The following RABEP1 variants were observed in gnomAD, a reference collection of about 807,000 sequenced individuals.
RABEP1 encodes the protein rab GTPase-binding effector protein 1.
In RABEP1, 51 loss-of-function variants were observed where a neutral mutation model predicts 123.4. The ratio of observed to expected loss-of-function variants is 0.41; its 90% CI spans 0.33 to 0.52. RABEP1 has a LOEUF of 0.52. Among genes scored for constraint, RABEP1 ranks in the 20% least tolerant of loss-of-function variants. The pLI, the probability that RABEP1 is intolerant of heterozygous loss-of-function variation, is 0.16. For missense variants in RABEP1, 888 were observed against 996.3 expected, an observed-to-expected ratio of 0.89 and a Z score of 1.46; for synonymous variants, 347 against 355.2, an observed-to-expected ratio of 0.98 and a Z score of 0.26.
chr17:5,349,128 G>A (rs1407727621), intron 6 of RABEP1, among the ~76,000 whole-genome samples: 2 of 152,144 alleles, frequency 1.3e-5, no homozygotes, highest in African/African-American at 4.8e-5. Flanking sequence ...ATGTGAATGG[G>A]ATTTTATAAT....
intron 5 of RABEP1, among the ~76,000 whole-genome samples, chr17:5,341,377 AAAGAT>A (rs1229577966): frequency 6.6e-6 from 1 of 152,250 alleles, no homozygotes; most frequent in Admixed American, 6.5e-5. Flanking sequence ...ATTTCTAATA[AAAGAT>A]AATTAGCCCA....
At chr17:5,357,692 A>G (rs993804512) in intron 8 of RABEP1, among the ~76,000 whole-genome samples, 1 of 152,066 alleles carries the variant, frequency 6.6e-6, no homozygotes, top group African/African-American at 2.4e-5. Context: ...TTTAATTCAT[A>G]ATGGTGACTG....
intron 1 of RABEP1, among the ~76,000 whole-genome samples, chr17:5,299,640 C>A (rs1302734040): frequency 6.6e-6 from 1 of 150,812 alleles, no homozygotes; most frequent in Non-Finnish European, 1.5e-5. Context: ...GTCCTCTCTG[C>A]TGTCATTGGG....
At chr17:5,367,394 C>CAA (rs1258178758) in intron 11 of RABEP1, among the ~76,000 whole-genome samples, 1 of 151,718 alleles carries the variant, frequency 6.6e-6, no homozygotes, top group African/African-American at 2.4e-5. Context: ...GCCTCAGCCT[C>CAA]CTGAGTAGCT....
At chr17:5,348,537 C>G (rs975580597) in intron 6 of RABEP1, among the ~76,000 whole-genome samples, 2 of 151,986 alleles carry the variant, frequency 1.3e-5, no homozygotes, top group Non-Finnish European at 2.9e-5. Context: ...CTGGGCAGTT[C>G]GGATCCTCTG....
At chr17:5,289,978 A>G (rs1467691283) in intron 1 of RABEP1, among the ~76,000 whole-genome samples, 1 of 152,192 alleles carries the variant, frequency 6.6e-6, no homozygotes, top group Non-Finnish European at 1.5e-5. Flanking sequence ...TTGAATCTTA[A>G]GGGCTCTAAT....
chr17:5,304,888 A>G (rs2075166785), intron 1 of RABEP1, among the ~76,000 whole-genome samples: 1 of 152,242 alleles, frequency 6.6e-6, no homozygotes, highest in Non-Finnish European at 1.5e-5. Context: ...TTCTGGCTAC[A>G]TACAAAGTCA....
At chr17:5,337,655 T>C (rs1430480800) in intron 4 of RABEP1, among the ~76,000 whole-genome samples, 1 of 152,158 alleles carries the variant, frequency 6.6e-6, no homozygotes, top group Non-Finnish European at 1.5e-5. Context: ...ATCGTGGCAC[T>C]GCACTCCAGC....
chr17:5,299,731 C>CTTTTTTTTTTTTTT (rs1171650180), intron 1 of RABEP1, among the ~76,000 whole-genome samples: 8 of 96,868 alleles, frequency 8.3e-5, no homozygotes, highest in Non-Finnish European at 1.3e-4. Flanking sequence ...TTTTCTTTTT[C>CTTTTTTTTTTTTTT]TTTTTTTTTT....
At chr17:5,375,324 G>A (rs1055540244) in intron 13 of RABEP1, among the ~76,000 whole-genome samples, 10 of 151,594 alleles carry the variant, frequency 6.6e-5, no homozygotes, top group East Asian at 1.9e-4. Context: ...ACTTCTTATC[G>A]TCTCAGCTCA....
At chr17:5,358,319 A>G (rs527277810) in intron 8 of RABEP1, among the ~76,000 whole-genome samples, 1 of 152,320 alleles carries the variant, frequency 6.6e-6, no homozygotes, top group East Asian at 1.9e-4. Context: ...TTGTACAAAA[A>G]TCATTATGGA....
At chr17:5,338,982 C>T (rs1907337078) in intron 5 of RABEP1, among the ~76,000 whole-genome samples, 1 of 151,942 alleles carries the variant, frequency 6.6e-6, no homozygotes, top group South Asian at 2.1e-4. Flanking sequence ...CATAGTGAGA[C>T]CCCTGTCTCT....
At chr17:5,297,293 C>G (rs2075092496) in intron 1 of RABEP1, among the ~76,000 whole-genome samples, 1 of 152,096 alleles carries the variant, frequency 6.6e-6, no homozygotes, top group South Asian at 2.1e-4. Flanking sequence ...ACCCCAAAAC[C>G]TAACAGCATA....
chr17:5,377,195 T>C lies in RABEP1; in HGVS notation c.2105T>C (p.Leu702Pro). 1 of 1,613,414 alleles carries C rather than the reference T, an allele frequency of 6.2e-7. No individual in the cohort carries two copies. The highest frequency in any genetic ancestry group is 8.5e-7 in the Non-Finnish European group (1 of 1,179,868). Residue 702 changes from leucine to proline, a missense_variant, in exon 14 of 18, where the codon CTG (leucine) becomes CCG (proline). Coordinates refer to ENST00000537505, the MANE Select transcript of RABEP1 (RefSeq NM_004703.6). ...RTAADHVEEK[L>P]KAEILFLKEQ... ...GCAGCAGACCACGTAGAAGAAAAGCTGAAGGCTGAGATACTTTTCCTAAAA... is the reference window on the plus strand; with the variant it reads ...GCAGCAGACCACGTAGAAGAAAAGCCGAAGGCTGAGATACTTTTCCTAAAA...
At chr17:5,351,218 C>T (rs910753425) in intron 7 of RABEP1, among the ~76,000 whole-genome samples, 1 of 152,030 alleles carries the variant, frequency 6.6e-6, no homozygotes, top group African/African-American at 2.4e-5. Flanking sequence ...GTGTTCAGAG[C>T]ACTGCATATT....
chr17:5,327,707 A>G (rs954843045), intron 2 of RABEP1, among the ~76,000 whole-genome samples: 3 of 152,306 alleles, frequency 2.0e-5, no homozygotes, highest in Admixed American at 6.5e-5. Context: ...CTTACTCAAA[A>G]TGATCATTAC....
At chr17:5,382,436 C>G (rs1003172438) in intron 17 of RABEP1, among the ~76,000 whole-genome samples, 1 of 151,466 alleles carries the variant, frequency 6.6e-6, no homozygotes, top group African/African-American at 2.4e-5. Context: ...CTCCATAATC[C>G]CAACACATTA....
At chr17:5,327,947 C>T (rs190964634) in intron 2 of RABEP1, among the ~76,000 whole-genome samples, 5 of 152,136 alleles carry the variant, frequency 3.3e-5, no homozygotes, top group Middle Eastern at 6.8e-3. Context: ...ACAATGAGAA[C>T]GTCTATACAG....
At chr17:5,314,390 G>C (rs1434578690) in intron 2 of RABEP1, among the ~76,000 whole-genome samples, 1 of 148,356 alleles carries the variant, frequency 6.7e-6, no homozygotes. Flanking sequence ...CTACAGGCGG[G>C]TGCCACCACG....
Sources: allele counts gnomAD v4.1 joint callset (sites outside exome capture counted in the v4.1 genomes callset), GRCh38; gene constraint gnomAD v4.1.1; transcripts MANE v1.5; gene names NCBI Gene and HGNC (gene_info 2026-07-23, HGNC 2026-07-21).